Variants in NUMB observed in about 807,000 individuals in gnomAD.
NUMB encodes protein numb homolog.
NUMB carries 29 observed loss-of-function variants against 59.7 expected under a neutral mutation model. The observed-to-expected ratio is 0.49, with a 90% CI of 0.36 to 0.66. The LOEUF (loss-of-function observed/expected upper bound fraction) is 0.66, where lower values mean the gene tolerates loss of function less well. NUMB is among the 30% of genes least tolerant of loss of function. NUMB has a pLI of 0.00. For missense variants in NUMB, 723 were observed against 822.0 expected (o/e 0.88, Z 1.47); for synonymous variants, 288 against 288.2 (o/e 1.00, Z 0.01).
In NUMB at chr14:73,398,435, T is replaced by A. The variant is rs1172613622; in HGVS notation, c.-101+11502A>T. Among the ~76,000 whole-genome samples the A allele has an allele frequency of 6.2e-4, 94 of 151,838 alleles. 1 individual carries two copies. The highest frequency in any genetic ancestry group is 8.9e-4 in the African/African-American group (37 of 41,408). ...GAGAGAGTGTGTGTGTGTGTGTGTG[T>A]GTGTGTGTGTGTGTGTGTTTAAAGA... On this transcript the variant is annotated intron_variant, in intron 2 of 12. Coordinates refer to ENST00000555238, the MANE Select transcript of NUMB (RefSeq NM_001005743.2).
At chr14:73,368,195 T>C (rs1433881141) in intron 2 of NUMB, among the ~76,000 whole-genome samples, 1 of 152,118 alleles carries the variant, frequency 6.6e-6, no homozygotes, top group African/African-American at 2.4e-5. Flanking sequence ...TCACAGAGTA[T>C]CTATTCAGCT....
intron 4 of NUMB, among the ~76,000 whole-genome samples, 199 bp from the exon 5 acceptor site, chr14:73,323,403 C>T (rs933662085): frequency 6.6e-6 from 1 of 152,188 alleles, no homozygotes; most frequent in African/African-American, 2.4e-5. Flanking sequence ...AAGAAATACA[C>T]AGCCAGTGAA....
intron 2 of NUMB, among the ~76,000 whole-genome samples, chr14:73,386,975 G>A (rs1036807477): frequency 2.9e-5 from 4 of 140,144 alleles, no homozygotes; most frequent in African/African-American, 8.0e-5. Context: ...CCGCCTCCCG[G>A]GTTCACGCCA....
chr14:73,425,173 T>G (rs1164097299), intron 1 of NUMB, among the ~76,000 whole-genome samples: 1 of 152,206 alleles, frequency 6.6e-6, no homozygotes, highest in Non-Finnish European at 1.5e-5. Flanking sequence ...TAAACTGACT[T>G]CTTTGATTCA....
chr14:73,442,002 A>G (rs1037571212), intron 1 of NUMB, among the ~76,000 whole-genome samples: 5 of 152,090 alleles, frequency 3.3e-5, no homozygotes, highest in African/African-American at 1.2e-4. Context: ...GAAAACCTCA[A>G]AAGAGTTACC....
chr14:73,377,113 T>C (rs753267487), intron 2 of NUMB, among the ~76,000 whole-genome samples: 40 of 152,216 alleles, frequency 2.6e-4, no homozygotes, highest in Admixed American at 5.2e-4. Context: ...AAATGTAAAA[T>C]GTAAAACTAT....
At position 73,452,300 on chromosome 14, in the gene NUMB, C is replaced by A. The variant is rs138979762; in HGVS notation, c.-233+6193G>T. On this transcript the variant is annotated intron_variant, in intron 1 of 12. Coordinates refer to ENST00000555238, the MANE Select transcript of NUMB (RefSeq NM_001005743.2). Reference sequence around the variant, plus strand: ...ACCTGAACCCAGGAAGTGGAGGTTGCGGTGAGCTAAAATTGTGCCATTGTA... The same window carrying A: ...ACCTGAACCCAGGAAGTGGAGGTTGAGGTGAGCTAAAATTGTGCCATTGTA... Among the ~76,000 whole-genome samples the A allele has an allele frequency of 7.1e-3, 1,075 of 152,206 alleles. 16 individuals carry two copies. Among genetic ancestry groups the A allele is most frequent in the African/African-American group, 0.025 (1,030 of 41,506 alleles).
chr14:73,350,448 C>T (rs1451007833), intron 4 of NUMB, among the ~76,000 whole-genome samples: 2 of 151,878 alleles, frequency 1.3e-5, no homozygotes, highest in Non-Finnish European at 2.9e-5. Flanking sequence ...GCTGGGATTA[C>T]AGGCATGAGC....
At chr14:73,278,609 T>C (rs1351249306) in intron 12 of NUMB, among the ~76,000 whole-genome samples, 2 of 130,168 alleles carry the variant, frequency 1.5e-5, no homozygotes, top group African/African-American at 5.9e-5. Context: ...AAGTGCTTTT[T>C]CTAGCACTTT....
chr14:73,303,173 G>T (rs535729191), intron 6 of NUMB, among the ~76,000 whole-genome samples: 2 of 152,014 alleles, frequency 1.3e-5, no homozygotes, highest in African/African-American at 4.8e-5. Flanking sequence ...AGCTGAGATC[G>T]CACCATTGCA....
chr14:73,343,060 C>G (rs922895173), intron 4 of NUMB, among the ~76,000 whole-genome samples: 3 of 151,590 alleles, frequency 2.0e-5, no homozygotes, highest in Non-Finnish European at 4.4e-5. Flanking sequence ...AACTCCTGGG[C>G]TCAAGTGTTC....
chr14:73,311,356 G>A (rs1163842495), intron 6 of NUMB, among the ~76,000 whole-genome samples: 2 of 152,052 alleles, frequency 1.3e-5, no homozygotes, highest in Non-Finnish European at 2.9e-5. Context: ...GCCCGGCCAC[G>A]GCAATGAGCA....
chr14:73,350,052 CATACATAT>C (rs1893140489), intron 4 of NUMB, among the ~76,000 whole-genome samples: 1 of 140,270 alleles, frequency 7.1e-6, no homozygotes, highest in Non-Finnish European at 1.5e-5. Context: ...CACATACATA[CATACATAT>C]ATACATACAT....
intron 3 of NUMB, among the ~76,000 whole-genome samples, chr14:73,364,279 G>A (rs76156874): frequency 0.02 from 3,086 of 152,040 alleles, 45 homozygotes; most frequent in Non-Finnish European, 0.031. Flanking sequence ...AACTTGAGGC[G>A]GATAACCTGA....
At chr14:73,375,915 G>A (rs1173958217) in intron 2 of NUMB, among the ~76,000 whole-genome samples, 1 of 152,052 alleles carries the variant, frequency 6.6e-6, no homozygotes, top group African/African-American at 2.4e-5. Context: ...TCCTCAACAA[G>A]ACAAAGCATG....
intron 2 of NUMB, among the ~76,000 whole-genome samples, chr14:73,367,814 T>C (rs921666478): frequency 1.0e-4 from 15 of 145,104 alleles, no homozygotes; most frequent in African/African-American, 3.1e-4. Flanking sequence ...GTGGTACTGA[T>C]AGGAAGGAAT....
rs893732274 is a variant in NUMB at position 73,353,601 on chromosome 14, A to T, written c.126+2025T>A. On this transcript the variant is annotated intron_variant, in intron 4 of 12. Transcript: ENST00000555238. ...GTGGCTCAGGCCTGTAATCCCAGCT[A>T]CTCGGGAGGCTGAGGCAGGAGAATC... Among the ~76,000 whole-genome samples, 2 of 13,758 alleles carry T rather than the reference A, an allele frequency of 1.5e-4. 1 individual carries two copies. The highest frequency in any genetic ancestry group is 2.2e-4 in the Non-Finnish European group (2 of 9,030). The allele number at this position is 13,758 out of a possible 152,430, so 9.0% of individuals were successfully genotyped here.
intron 2 of NUMB, among the ~76,000 whole-genome samples, chr14:73,371,954 A>T (rs762071547): frequency 2.0e-5 from 3 of 151,926 alleles, no homozygotes; most frequent in Non-Finnish European, 2.9e-5. Flanking sequence ...AGAAGTGACC[A>T]GGCTCAGTGG....
chr14:73,325,603 C>T (rs1444428473), intron 4 of NUMB, among the ~76,000 whole-genome samples: 1 of 152,224 alleles, frequency 6.6e-6, no homozygotes, highest in Non-Finnish European at 1.5e-5. Context: ...CTTCTACTTA[C>T]ATTAATTTTG....
Sources: allele counts gnomAD v4.1 joint callset (sites outside exome capture counted in the v4.1 genomes callset), GRCh38; gene constraint gnomAD v4.1.1; transcripts MANE v1.5; gene names NCBI Gene and HGNC (gene_info 2026-07-23, HGNC 2026-07-21).